RBFOX1: variants seen among roughly 807,000 people sequenced by gnomAD.
RBFOX1 encodes RNA binding fox-1 homolog 1.
In RBFOX1, 8 loss-of-function variants were observed where a neutral mutation model predicts 57.7. The ratio of observed to expected loss-of-function variants is 0.14; its 90% CI spans 0.08 to 0.25. The LOEUF (loss-of-function observed/expected upper bound fraction) is 0.25, where lower values mean the gene tolerates loss of function less well. Ranked by LOEUF, RBFOX1 falls within the 10% of genes least tolerant of loss-of-function variation. The pLI is 1.00. For synonymous variants in RBFOX1, 326 were observed against 222.4 expected (o/e 1.47, Z -4.15); for missense variants, 611 against 548.5 (o/e 1.11, Z -1.14).
chr16:6,400,474 T>G (rs1269248273), intron 2 of RBFOX1, among the ~76,000 whole-genome samples: 3 of 152,160 alleles, frequency 2.0e-5, no homozygotes, highest in African/African-American at 7.2e-5. Flanking sequence ...ATGCTGTAAA[T>G]TTACTGGTTG....
At chr16:6,562,857 T>C (rs2097198247) in intron 2 of RBFOX1, among the ~76,000 whole-genome samples, 1 of 60,428 alleles carries the variant, frequency 1.7e-5, no homozygotes, top group Non-Finnish European at 3.1e-5. Flanking sequence ...TCTTTCTTTC[T>C]TTCTTTCTTT....
chr16:5,978,612 C>T (rs1265500524), intron 4 of RBFOX1, among the ~76,000 whole-genome samples: 1 of 152,026 alleles, frequency 6.6e-6, no homozygotes, highest in Non-Finnish European at 1.5e-5. Flanking sequence ...TATCCCTTTT[C>T]ACTAATCTCC....
intron 3 of RBFOX1, among the ~76,000 whole-genome samples, chr16:5,672,499 A>G (rs1396448005): frequency 1.3e-5 from 2 of 152,096 alleles, no homozygotes; most frequent in Non-Finnish European, 2.9e-5. Flanking sequence ...AAGGACAAGC[A>G]CACCCCTCCA....
intron 4 of RBFOX1, among the ~76,000 whole-genome samples, chr16:7,133,688 T>G (rs1435044131): frequency 6.6e-6 from 1 of 152,236 alleles, no homozygotes; most frequent in Non-Finnish European, 1.5e-5. Context: ...ATTAATTGTT[T>G]ATTTAATAAG....
chr16:5,892,321 G>C (rs1284440028), intron 4 of RBFOX1, among the ~76,000 whole-genome samples: 3 of 152,130 alleles, frequency 2.0e-5, no homozygotes, highest in African/African-American at 7.2e-5. Context: ...TTAAAGTTCT[G>C]CCTTTGCTGT....
intron 2 of RBFOX1, among the ~76,000 whole-genome samples, chr16:6,499,546 C>T (rs1439264132): frequency 1.3e-5 from 2 of 152,090 alleles, no homozygotes; most frequent in East Asian, 3.9e-4. Flanking sequence ...TTTTCATCAG[C>T]ATCTCCCGTG....
intron 4 of RBFOX1, among the ~76,000 whole-genome samples, chr16:5,986,687 AT>A (rs1433275529): frequency 2.6e-5 from 4 of 152,208 alleles, no homozygotes; most frequent in African/African-American, 9.6e-5. Flanking sequence ...TTCCCTGAAG[AT>A]TCCCCCAAGT....
intron 4 of RBFOX1, among the ~76,000 whole-genome samples, chr16:6,011,301 G>C (rs568094247): frequency 2.0e-5 from 3 of 152,054 alleles, no homozygotes; most frequent in Admixed American, 6.5e-5. Context: ...GTTGACTTTA[G>C]ATGGAGCTAT....
chr16:5,650,161 C>T (rs986666136), intron 3 of RBFOX1, among the ~76,000 whole-genome samples: 6 of 152,212 alleles, frequency 3.9e-5, no homozygotes, highest in African/African-American at 1.4e-4. Flanking sequence ...CCCCCACCCC[C>T]AACTCCTGGT....
intron 3 of RBFOX1, among the ~76,000 whole-genome samples, chr16:6,982,357 T>C (rs879438262): frequency 1.3e-5 from 2 of 152,196 alleles, no homozygotes; most frequent in African/African-American, 2.4e-5. Context: ...ATTTTGACTT[T>C]TGTTGGTTTT....
At chr16:5,961,194 A>T (rs972988154) in intron 4 of RBFOX1, among the ~76,000 whole-genome samples, 2 of 152,038 alleles carry the variant, frequency 1.3e-5, no homozygotes, top group Non-Finnish European at 2.9e-5. Flanking sequence ...GGCATATTCT[A>T]TTCTATTTTA....
intron 3 of RBFOX1, among the ~76,000 whole-genome samples, chr16:6,948,640 C>T (rs988572320): frequency 6.6e-6 from 1 of 151,894 alleles, no homozygotes; most frequent in Non-Finnish European, 1.5e-5. Context: ...CCTTGGCCTC[C>T]CAAAGTGCTG....
chr16:5,772,010 A>G (rs1361074908), intron 3 of RBFOX1, among the ~76,000 whole-genome samples: 1 of 152,094 alleles, frequency 6.6e-6, no homozygotes, highest in Non-Finnish European at 1.5e-5. Flanking sequence ...TGTCTCTATT[A>G]AAAATACAAA....
At chr16:6,933,200 G>A (rs927184871) in intron 3 of RBFOX1, among the ~76,000 whole-genome samples, 4 of 152,196 alleles carry the variant, frequency 2.6e-5, no homozygotes, top group Non-Finnish European at 4.4e-5. Context: ...TGCTATGAAC[G>A]GGAGTGTACA....
At chr16:7,608,908 C>A (rs4352065) in intron 10 of RBFOX1, among the ~76,000 whole-genome samples, 1 of 152,040 alleles carries the variant, frequency 6.6e-6, no homozygotes, top group South Asian at 2.1e-4. Flanking sequence ...GAGATTCTTT[C>A]CTTCATTGAT....
intron 3 of RBFOX1, among the ~76,000 whole-genome samples, chr16:6,922,869 G>A (rs780013699): frequency 1.3e-5 from 2 of 152,154 alleles, no homozygotes; most frequent in Non-Finnish European, 2.9e-5. Context: ...TCCATTTCTA[G>A]GTGTACCTTG....
At chr16:6,474,823 C>T (rs1336159902) in intron 2 of RBFOX1, among the ~76,000 whole-genome samples, 1 of 152,088 alleles carries the variant, frequency 6.6e-6, no homozygotes, top group Non-Finnish European at 1.5e-5. Flanking sequence ...TTTTTTGACT[C>T]ATCGGTTTCA....
intron 4 of RBFOX1, among the ~76,000 whole-genome samples, chr16:7,221,488 T>G (rs1268223709): frequency 2.6e-5 from 4 of 152,076 alleles, no homozygotes; most frequent in South Asian, 4.2e-4. Flanking sequence ...TGCCTCAGCT[T>G]CCAGAGTAGC....
chr16:6,295,157 C>T (rs2077960355), intron 1 of RBFOX1, among the ~76,000 whole-genome samples: 1 of 140,414 alleles, frequency 7.1e-6, no homozygotes, highest in African/African-American at 2.8e-5. Context: ...CGGAGTCTCT[C>T]TCCATCGCCA....
Sources: allele counts gnomAD v4.1 joint callset (sites outside exome capture counted in the v4.1 genomes callset), GRCh38; gene constraint gnomAD v4.1.1; transcripts MANE v1.5; gene names NCBI Gene and HGNC (gene_info 2026-07-23, HGNC 2026-07-21).